FAT1: variants seen among roughly 807,000 people sequenced by gnomAD.
FAT1 encodes the protein FAT atypical cadherin 1, also known as protocadherin Fat 1.
Under a neutral mutation model 329.8 loss-of-function variants are expected in FAT1, and 171 were observed. The ratio of observed to expected loss-of-function variants is 0.52; its 90% CI spans 0.46 to 0.59. The LOEUF (loss-of-function observed/expected upper bound fraction) is 0.59, where lower values mean the gene tolerates loss of function less well. Ranked by LOEUF, FAT1 falls within the 20% of genes least tolerant of loss-of-function variation. The pLI is 0.00. For missense variants in FAT1, 5,672 were observed against 5,774.4 expected, an observed-to-expected ratio of 0.98 and a Z score of 0.57; for synonymous variants, 2,233 against 2,228.6, an observed-to-expected ratio of 1.00 and a Z score of -0.06.
intron 2 of FAT1, among the ~76,000 whole-genome samples, chr4:186,669,325 G>T (rs991889629): frequency 1.3e-5 from 2 of 152,168 alleles, no homozygotes; most frequent in Non-Finnish European, 2.9e-5. Flanking sequence ...CTCCCGTCAG[G>T]AGGTTGCCGT....
chr4:186,591,946 T>A (rs1158112770), intron 26 of FAT1, among the ~76,000 whole-genome samples: 2 of 152,154 alleles, frequency 1.3e-5, no homozygotes, highest in East Asian at 3.9e-4. Context: ...ACCGGCACCA[T>A]CAGAGCTACC....
intron 3 of FAT1, among the ~76,000 whole-genome samples, chr4:186,647,628 T>C (rs1030074362): frequency 6.6e-6 from 1 of 152,222 alleles, no homozygotes; most frequent in Non-Finnish European, 1.5e-5. Context: ...CACGATGTTG[T>C]ATTAATCATA....
intron 1 of FAT1, among the ~76,000 whole-genome samples, chr4:186,716,354 T>A (rs572048636): frequency 1.3e-5 from 2 of 152,290 alleles, no homozygotes; most frequent in Non-Finnish European, 1.5e-5. Flanking sequence ...ATTTAACTCA[T>A]GATTAAAATT....
At chr4:186,709,897 AG>A in intron 1 of FAT1, 52 bp from the exon 2 acceptor site, 2 of 1,458,008 alleles carry the variant, frequency 1.4e-6, no homozygotes, top group Non-Finnish European at 1.8e-6. Context: ...AACAAGCAAA[AG>A]TGTGTACATT....
chr4:186,657,083 C>T (rs145182792), intron 3 of FAT1, among the ~76,000 whole-genome samples: 27 of 152,236 alleles, frequency 1.8e-4, no homozygotes, highest in African/African-American at 6.5e-4. Flanking sequence ...CACCCACGAT[C>T]GCAGCAGCTT....
intron 15 of FAT1, 108 bp from the exon 16 acceptor site, chr4:186,609,428 T>A: frequency 7.5e-7 from 1 of 1,332,188 alleles, no homozygotes; most frequent in African/African-American, 1.5e-5. Flanking sequence ...GTTGTTGTTT[T>A]TTTTTTGAGA....
At chr4:186,680,030 T>A (rs962571862) in intron 2 of FAT1, among the ~76,000 whole-genome samples, 1 of 152,184 alleles carries the variant, frequency 6.6e-6, no homozygotes, top group African/African-American at 2.4e-5. Context: ...AGACCATGAG[T>A]GTCTTCCAAT....
chr4:186,656,078 T>C (rs1024167166), intron 3 of FAT1, among the ~76,000 whole-genome samples: 1 of 152,042 alleles, frequency 6.6e-6, no homozygotes, highest in Admixed American at 6.6e-5. Context: ...GGTCTGGAGG[T>C]GGAAGGAACC....
chr4:186,655,494 G>C (rs1216188416), intron 3 of FAT1, among the ~76,000 whole-genome samples: 1 of 151,838 alleles, frequency 6.6e-6, no homozygotes, highest in Non-Finnish European at 1.5e-5. Context: ...GAGTGCAGTG[G>C]AGTGATCTCG....
At position 186,600,312 on chromosome 4, in the gene FAT1, C is replaced by T. The variant is rs1738749878; in HGVS notation, c.11689G>A (p.Gly3897Arg). ...QYKFDCGSGPGIVSVQSIQVN... is the reference protein window; with the variant it reads ...QYKFDCGSGPRIVSVQSIQVN... ...TGAATGCTCTGAACAGAGACAATTC[C>T]AGGGCCACTTCCACAGTCAAACTTG... is the stretch of plus-strand genomic sequence containing the variant. The change falls in exon 22 of 27, where the codon GGA becomes AGA. Residue 3897 changes from glycine (G) to arginine (R), a missense_variant. Gly to Arg is a moderately radical substitution (Grantham distance 125). Transcript: ENST00000441802. 6.2e-7 allele frequency: 1 copy of T among 1,613,524 alleles called. No individual in the cohort carries two copies. Among genetic ancestry groups the T allele is most frequent in the Admixed American group, 1.7e-5 (1 of 59,952 alleles).
rs575194340 is a variant in FAT1, at chr4:186,606,771, G to GA, written c.10207-559dup. 9.2e-5 allele frequency among the ~76,000 whole-genome samples: 14 copies of GA among 152,270 alleles called. 1 individual carries two copies. In the South Asian group the frequency reaches 2.9e-3, roughly 32 times the overall value. On this transcript the variant is annotated intron_variant, in intron 16 of 26. Transcript: ENST00000441802. ...TTGTCAGGACCTCCCACAAAAGAAA[G>GA]AAAGTCAAGTGAGATAGCTTCTTTT...
rs191951151 is a variant in FAT1, at chr4:186,610,778, C to G, written c.9853+608G>C. On this transcript the variant is annotated intron_variant, in intron 14 of 26. Coordinates refer to ENST00000441802, the MANE Select transcript of FAT1 (RefSeq NM_005245.4). ...ATATAAATTTGAATGGAGCAACTTT[C>G]TACACTGTTTTAAGACTTAGGACTA... Among the ~76,000 whole-genome samples the G allele has an allele frequency of 1.9e-4, 27 of 142,726 alleles. No homozygotes were observed. The East Asian group carries it at 5.9e-3, about 31-fold the overall frequency. 93.6% of individuals were successfully genotyped at this position (142,726 alleles called of 152,430 possible).
At position 186,602,925 on chromosome 4, in the gene FAT1, G is replaced by T; in HGVS notation, c.11460C>A (p.Ser3820Arg). Residue 3820 changes from serine to arginine, a missense_variant, in exon 20 of 27, where the codon AGC becomes AGA. By Grantham distance (110) the Ser-to-Arg change is moderately radical. Coordinates refer to ENST00000441802, the MANE Select transcript of FAT1 (RefSeq NM_005245.4). ...WEEKHTCVCP[S>R]GRFGQCPGSS... ...CACCTGGGCACTGACCAAACCTGCC[G>T]CTGGGACAGACACAGGTGTGTTTCT... 7 of 1,613,850 alleles carry T rather than the reference G, an allele frequency of 4.3e-6. No individual in the cohort carries two copies. The highest frequency in any genetic ancestry group is 5.9e-6 in the Non-Finnish European group (7 of 1,179,810).
chr4:186,710,797 A>G (rs142282685), intron 1 of FAT1, among the ~76,000 whole-genome samples: 2 of 152,342 alleles, frequency 1.3e-5, no homozygotes, highest in Non-Finnish European at 2.9e-5. Context: ...TCAAGGGTCA[A>G]ATCAGTCTAT....
rs1053613204 is a variant in FAT1 at position 186,607,909 on chromosome 4, C to A, written c.10206+1274G>T. ...TATCAACATCTCCAACGGCAAGTACCATATCTACACTTAGGGTTTTCCAGT... is the reference window on the plus strand; with the variant it reads ...TATCAACATCTCCAACGGCAAGTACAATATCTACACTTAGGGTTTTCCAGT... On this transcript the variant is annotated intron_variant, in intron 16 of 26. Transcript: ENST00000441802. Among the ~76,000 whole-genome samples the A allele has an allele frequency of 3.5e-5, 5 of 144,644 alleles. No individual in the cohort carries two copies. In the South Asian group the frequency reaches 1.1e-3, roughly 32 times the overall value. 94.9% of individuals were successfully genotyped at this position (144,644 alleles called of 152,430 possible).
intron 3 of FAT1, among the ~76,000 whole-genome samples, chr4:186,642,106 C>T (rs777255320): frequency 2.6e-5 from 4 of 152,074 alleles, no homozygotes; most frequent in Admixed American, 6.5e-5. Flanking sequence ...CAAATTAATT[C>T]TCCTCCGTTA....
At chr4:186,641,365 C>A (rs1741082385) in intron 3 of FAT1, among the ~76,000 whole-genome samples, 1 of 152,174 alleles carries the variant, frequency 6.6e-6, no homozygotes, top group Non-Finnish European at 1.5e-5. Flanking sequence ...GCTTAATTTT[C>A]ATTAGTCAAA....
At position 186,618,498 on chromosome 4, in the gene FAT1, C is replaced by A. The variant is rs372629114; in HGVS notation, c.8088G>T (p.Pro2696=). The A allele has an allele frequency of 6.2e-7, 1 of 1,613,992 alleles. No individual in the cohort carries two copies. Among genetic ancestry groups the A allele is most frequent in the Non-Finnish European group, 8.5e-7 (1 of 1,179,910 alleles). The part of the protein sequence containing the change: ...VVLVYVKILP[P]EMQLPKFSEP... Reference sequence around the variant, plus strand: ...CTGAAAATTTTGGAAGCTGCATTTCCGGTGGAAGGATTTTAACATAGACAA... The same window carrying A: ...CTGAAAATTTTGGAAGCTGCATTTCAGGTGGAAGGATTTTAACATAGACAA... Residue 2696 remains proline (P), a synonymous_variant, in exon 10 of 27, where the codon CCG becomes CCT. Transcript: ENST00000441802.
intron 2 of FAT1, among the ~76,000 whole-genome samples, chr4:186,678,145 A>G (rs1743038156): frequency 6.6e-6 from 1 of 152,182 alleles, no homozygotes. Flanking sequence ...ATATGAAAAT[A>G]AACATCACAG....
Sources: allele counts gnomAD v4.1 joint callset (sites outside exome capture counted in the v4.1 genomes callset), GRCh38; gene constraint gnomAD v4.1.1; transcripts MANE v1.5; gene names NCBI Gene and HGNC (gene_info 2026-07-23, HGNC 2026-07-21).